PYROXD2: variants seen among roughly 807,000 people sequenced by gnomAD.
PYROXD2 encodes pyridine nucleotide-disulfide oxidoreductase domain-containing protein 2.
Under a neutral mutation model 71.1 loss-of-function variants are expected in PYROXD2, and 69 were observed. The ratio of observed to expected loss-of-function variants is 0.97; its 90% confidence interval spans 0.80 to 1.19. PYROXD2 has a LOEUF of 1.19. PYROXD2 is among the 50% of genes most tolerant of loss of function. The pLI is 0.00. For missense variants in PYROXD2, 745 were observed against 748.9 expected (o/e 0.99, Z 0.06); for synonymous variants, 287 against 302.7 (o/e 0.95, Z 0.54).
chr10:98,403,998 A>G (rs113727121), intron 4 of PYROXD2, among the ~76,000 whole-genome samples: 2,487 of 152,366 alleles, frequency 0.016, 70 homozygotes, highest in African/African-American at 0.056. Context: ...CATTTGATTC[A>G]TAATGAAACC....
chr10:98,387,176 A>G (rs774043147), intron 14 of PYROXD2, 25 bp downstream of exon 14: 1 of 1,559,268 alleles, frequency 6.4e-7, no homozygotes, highest in African/African-American at 1.4e-5. Flanking sequence ...GGCTATGGTG[A>G]GAGACCCCCT....
intron 10 of PYROXD2, 131 bp downstream of exon 10, chr10:98,392,301 T>C (rs1324636912): frequency 6.9e-6 from 10 of 1,456,530 alleles, no homozygotes; most frequent in East Asian, 4.7e-5. Flanking sequence ...CTTACCCCCC[T>C]GTTTCCCAAA....
At chr10:98,394,494 C>A (rs1248178314) in intron 8 of PYROXD2, among the ~76,000 whole-genome samples, 2 of 151,558 alleles carry the variant, frequency 1.3e-5, no homozygotes, top group Non-Finnish European at 2.9e-5. Flanking sequence ...CTAGCTGTAT[C>A]TTCTGGTGCA....
intron 8 of PYROXD2, among the ~76,000 whole-genome samples, chr10:98,394,466 C>T (rs1286640325): frequency 6.6e-6 from 1 of 151,726 alleles, no homozygotes; most frequent in Non-Finnish European, 1.5e-5. Flanking sequence ...CACGTCGACG[C>T]CTTCTAGCTT....
intron 4 of PYROXD2, 96 bp downstream of exon 4, chr10:98,407,486 C>A: frequency 1.4e-6 from 2 of 1,478,620 alleles, no homozygotes; most frequent in Non-Finnish European, 1.8e-6. Context: ...CAGGGGCGGG[C>A]ATCACCTCGG....
chr10:98,390,818 C>T lies in PYROXD2; in HGVS notation c.1136-64G>A, dbSNP rs527736523. The T allele has an allele frequency of 2.3e-4, 357 of 1,527,854 alleles. 1 individual carries two copies. The South Asian group carries it at 4.0e-3, about 17-fold the overall frequency. The allele number at this position is 1,527,854 out of a possible 1,614,324, so 94.6% of individuals were successfully genotyped here. On this transcript the variant is annotated intron_variant, in intron 11 of 15. Coordinates refer to ENST00000370575, the MANE Select transcript of PYROXD2 (RefSeq NM_032709.3). The stretch of plus-strand genomic sequence containing the variant: ...AAGGTCCTCCCTCTACAGCCAGCAC[C>T]CTGCTACCCTCAGTGGCGGACGGGA...
intron 11 of PYROXD2, 56 bp downstream of exon 11, chr10:98,390,954 G>A: frequency 6.9e-7 from 1 of 1,457,942 alleles, no homozygotes; most frequent in Non-Finnish European, 9.6e-7. Context: ...CAGCCTGGAG[G>A]TTTCTCACTC....
chr10:98,407,634 G>A lies in PYROXD2; in HGVS notation c.263C>T (p.Ser88Phe). The A allele has an allele frequency of 1.2e-6, 2 of 1,614,056 alleles. No homozygotes were observed. The highest frequency in any genetic ancestry group is 1.7e-6 in the Non-Finnish European group (2 of 1,180,004). The change falls in exon 4 of 16, where the codon TCC (serine) becomes TTC (phenylalanine). Residue 88 changes from serine to phenylalanine, a missense_variant. Physicochemically the swap from Ser to Phe is radical, Grantham distance 155 (BLOSUM62 -2). Transcript: ENST00000370575. ...IIPGFKFSRA[S>F]YLLSLLRPQI... ...CGGCCTCAGCAGGCTGAGCAGGTAG[G>A]ACGCGCGGGAGAACTTAAACCCTGA...
In PYROXD2 at chr10:98,393,067, G is replaced by A. The variant is rs1418329043; in HGVS notation, c.802C>T (p.His268Tyr). Residue 268 changes from histidine to tyrosine, a missense_variant, in exon 9 of 16, where the codon CAT becomes TAT. By Grantham distance (83) the His-to-Tyr change is moderately conservative. Coordinates refer to ENST00000370575, the MANE Select transcript of PYROXD2 (RefSeq NM_032709.3). Reference sequence around the variant, plus strand: ...ATTCCCTCCAGGCCCCCCATCACATGGTGCAGCAGCACATACCTGTGGACA... The same window carrying A: ...ATTCCCTCCAGGCCCCCCATCACATAGTGCAGCAGCACATACCTGTGGACA... Reference protein sequence around the residue: ...TPGSGYVLLHHVMGGLEGMQG... With the variant: ...TPGSGYVLLHYVMGGLEGMQG... 1.9e-6 allele frequency: 3 copies of A among 1,584,920 alleles called. No homozygotes were observed. The highest frequency in any genetic ancestry group is 4.5e-5 in the East Asian group (2 of 44,386).
chr10:98,404,888 A>G (rs1564808139), intron 4 of PYROXD2, among the ~76,000 whole-genome samples: 1 of 152,194 alleles, frequency 6.6e-6, no homozygotes, highest in Non-Finnish European at 1.5e-5. Context: ...GCAGTTTCCC[A>G]GGTCATACTT....
chr10:98,410,988 C>A (rs775132955), intron 1 of PYROXD2, 30 bp from the exon 2 acceptor site: 18 of 1,557,444 alleles, frequency 1.2e-5, no homozygotes, highest in Non-Finnish European at 1.6e-5. Flanking sequence ...GGAAGGAAAA[C>A]ATCACTGGTC....
rs1218935246 is a variant in PYROXD2 at position 98,386,545 on chromosome 10, G to GTTTTT, written c.1554+655_1554+656insAAAAA. Among the ~76,000 whole-genome samples, 295 of 106,934 alleles carry GTTTTT rather than the reference G, an allele frequency of 2.8e-3. 1 individual carries two copies. The highest frequency in any genetic ancestry group is 0.011 in the African/African-American group (266 of 23,234). The allele number at this position is 106,934 out of a possible 152,430, so 70.2% of individuals were successfully genotyped here. A position where few individuals can be genotyped will look rare whatever the true frequency, so the allele number is the denominator to read the frequency against. The stretch of plus-strand genomic sequence containing the variant: ...CACTTTGGCCTCAGATCTTTCTTTT[G>GTTTTT]CTTTTTTTTTAAATTTTCTTTCTAG... On this transcript the variant is annotated intron_variant, in intron 14 of 15. Transcript: ENST00000370575.
rs1843345180 is a variant in PYROXD2, at chr10:98,400,185, T to G, written c.388A>C (p.Lys130Gln). The G allele has an allele frequency of 6.2e-7, 1 of 1,613,498 alleles. No individual in the cohort carries two copies. Among genetic ancestry groups the G allele is most frequent in the Non-Finnish European group, 8.5e-7 (1 of 1,179,700 alleles). Residue 130 changes from lysine to glutamine, a missense_variant, in exon 5 of 16, where the codon AAG (lysine) becomes CAG (glutamine). Lys to Gln is a moderately conservative substitution (Grantham distance 53, BLOSUM62 1). Coordinates refer to ENST00000370575, the MANE Select transcript of PYROXD2 (RefSeq NM_032709.3). ...TPMLEEGAGSKVPRCLLLGTD... is the reference protein window; with the variant it reads ...TPMLEEGAGSQVPRCLLLGTD... ...CCCAGCAGAAGGCACCTGGGCACCTTGCTGCCTGCACCCTCTTCCAGCATG... is the reference window on the plus strand; with the variant it reads ...CCCAGCAGAAGGCACCTGGGCACCTGGCTGCCTGCACCCTCTTCCAGCATG...
rs1191934458 is a variant in PYROXD2, at chr10:98,385,051, G to A, written c.1571C>T (p.Ala524Val). 1.2e-6 allele frequency: 2 copies of A among 1,613,782 alleles called. No homozygotes were observed. The highest frequency in any genetic ancestry group is 2.7e-5 in the African/African-American group (2 of 74,932). Reference sequence around the variant, plus strand: ...GAAGTAGAGCTGGTCCAGGGACATGGCGCAGTGGAATATGTTCTGCAGAGG... The same window carrying A: ...GAAGTAGAGCTGGTCCAGGGACATGACGCAGTGGAATATGTTCTGCAGAGG... ...GLPGGNIFHC[A>V]MSLDQLYFAR... Residue 524 changes from alanine to valine, a missense_variant, in exon 15 of 16, where the codon GCC becomes GTC. Ala to Val is a moderately conservative substitution (Grantham distance 64). Transcript: ENST00000370575.
At chr10:98,412,278 A>C (rs7909822) in intron 1 of PYROXD2, among the ~76,000 whole-genome samples, 57,916 of 152,108 alleles carry the variant, frequency 0.38, 12,672 homozygotes, top group African/African-American at 0.59. Flanking sequence ...CCTCCCAGTG[A>C]CCACCCTCAA....
At chr10:98,401,267 C>CAAA (rs1189449237) in intron 4 of PYROXD2, among the ~76,000 whole-genome samples, 2 of 127,580 alleles carry the variant, frequency 1.6e-5, no homozygotes, top group South Asian at 5.0e-4. Context: ...AAAAAAAAAA[C>CAAA]AAAAAAAAAC....
intron 5 of PYROXD2, among the ~76,000 whole-genome samples, chr10:98,398,272 T>A (rs898511269): frequency 2.0e-5 from 3 of 152,150 alleles, no homozygotes; most frequent in Non-Finnish European, 4.4e-5. Flanking sequence ...CCATGCCGTC[T>A]CATCACCTGC....
intron 4 of PYROXD2, among the ~76,000 whole-genome samples, chr10:98,400,893 A>G (rs1843375229): frequency 1.3e-5 from 2 of 152,212 alleles, no homozygotes; most frequent in African/African-American, 4.8e-5. Flanking sequence ...CTGTTGCTGC[A>G]AACCTGCACA....
rs1356826873 is a variant in PYROXD2 at position 98,397,348 on chromosome 10, C to A, written c.622G>T (p.Ala208Ser). ...TGGTGCCTGCACTTGGACTTACCTG[C>A]CTTCAGCAGGGGCTTGAGGGTGGAG... ...SLSTLKPLLK[A>S]GRILGAQLPR... The change falls in exon 6 of 16, where the codon GCA becomes TCA. Residue 208 changes from alanine to serine, a missense_variant. Ala to Ser is a moderately conservative substitution (Grantham distance 99). Coordinates refer to ENST00000370575, the MANE Select transcript of PYROXD2 (RefSeq NM_032709.3). 1.3e-6 allele frequency: 2 copies of A among 1,595,502 alleles called. No individual in the cohort carries two copies. Among genetic ancestry groups the A allele is most frequent in the African/African-American group, 2.7e-5 (2 of 74,490 alleles).
Sources: gnomAD v4.1 joint callset for allele counts (sites outside exome capture counted in the v4.1 genomes callset) on GRCh38, gnomAD v4.1.1 for gene constraint, MANE v1.5 for transcripts, NCBI Gene and HGNC (gene_info 2026-07-23, HGNC 2026-07-21) for gene names.